The following DST variants were observed in gnomAD, a reference collection of about 807,000 sequenced individuals.
DST encodes dystonin.
A neutral mutation model predicts 875.2 loss-of-function variants in DST; 253 were observed. The ratio of observed to expected loss-of-function variants is 0.29; its 90% CI spans 0.26 to 0.32. The LOEUF is 0.32. Among genes scored for constraint, DST ranks in the 10% least tolerant of loss-of-function variants. DST has a pLI of 1.00. For missense variants in DST, 8,287 were observed against 9,111.6 expected (o/e 0.91, Z 3.68); for synonymous variants, 3,124 against 3,197.1 (o/e 0.98, Z 0.77).
chr6:56,690,431 C>A (rs564052513), intron 9 of DST, among the ~76,000 whole-genome samples: 74 of 152,150 alleles, frequency 4.9e-4, no homozygotes, highest in African/African-American at 1.8e-3. Flanking sequence ...CTCCACAGAG[C>A]CCCCTGAACC....
At chr6:56,831,917 CT>C (rs1416706698) in intron 4 of DST, among the ~76,000 whole-genome samples, 3 of 152,018 alleles carry the variant, frequency 2.0e-5, no homozygotes, top group African/African-American at 7.2e-5. Context: ...AACAATGCTG[CT>C]TGAATGCTTT....
Position 56,608,890 on chromosome 6 carries a change from C to G in DST, c.5738G>C (p.Arg1913Thr), listed in dbSNP as rs780663275. Reference sequence around the variant, plus strand: ...AATAAGATCTTTGCACATATTTTGCCTTTCCAGAACTTTAGAAAATAATGC... The same window carrying G: ...AATAAGATCTTTGCACATATTTTGCGTTTCCAGAACTTTAGAAAATAATGC... ...SSALFSKVLE[R>T]QNMCKDLIDP... is the part of the protein sequence containing the mutation. Residue 1913 changes from arginine to threonine, a missense_variant, in exon 40 of 104, where the codon AGG (arginine) becomes ACG (threonine). Around this residue, in one of 10 missense-constraint regions of DST, gnomAD observed 3,138 missense variants for 3,116.6 expected, o/e 1.01. Transcript: ENST00000680361. 10 of 1,613,722 alleles carry G rather than the reference C, an allele frequency of 6.2e-6. No individual in the cohort carries two copies. Among genetic ancestry groups the G allele is most frequent in the Non-Finnish European group, 8.5e-6 (10 of 1,179,776 alleles).
intron 2 of DST, among the ~76,000 whole-genome samples, chr6:56,922,885 A>G (rs1008855853): frequency 6.6e-6 from 1 of 152,216 alleles, no homozygotes; most frequent in Non-Finnish European, 1.5e-5. Context: ...CTTGTTAAAC[A>G]TTACTAAATT....
intron 4 of DST, among the ~76,000 whole-genome samples, chr6:56,835,967 T>C (rs2099793075): frequency 6.6e-6 from 1 of 152,218 alleles, no homozygotes; most frequent in Non-Finnish European, 1.5e-5. Flanking sequence ...TTTCAAAATC[T>C]TCTCGACCCA....
rs373798180 is a variant in DST at position 56,900,478 on chromosome 6, G to A, written c.360C>T (p.Ser120=). 2.6e-5 allele frequency: 35 copies of A among 1,367,722 alleles called. No homozygotes were observed. In the Middle Eastern group the frequency reaches 8.4e-4, roughly 33 times the overall value. The allele number at this position is 1,367,722 out of a possible 1,614,324, so 84.7% of individuals were successfully genotyped here. A position where few individuals can be genotyped will look rare whatever the true frequency, so the allele number is the denominator to read the frequency against. The change falls in exon 3 of 104, where the codon AGC becomes AGT. Residue 120 remains serine, a synonymous_variant. Transcript: ENST00000680361. Reference sequence around the variant, plus strand: ...GATAAAATTCTGGCTGGACTCGGCTGCTCTTCTTGATTCTTCGTTTCCTCA... The same window carrying A: ...GATAAAATTCTGGCTGGACTCGGCTACTCTTCTTGATTCTTCGTTTCCTCA... ...TSVRKRRIKK[S]SRVQPEFYHS...
At chr6:56,656,812 A>G (rs2099010978) in intron 10 of DST, among the ~76,000 whole-genome samples, 1 of 152,236 alleles carries the variant, frequency 6.6e-6, no homozygotes, top group Non-Finnish European at 1.5e-5. Flanking sequence ...GGGCAAAATG[A>G]TAATGATATT....
chr6:56,882,219 A>C (rs1009036623), intron 3 of DST, among the ~76,000 whole-genome samples: 1 of 152,202 alleles, frequency 6.6e-6, no homozygotes, highest in Non-Finnish European at 1.5e-5. Context: ...TGGCCACTTA[A>C]AAATAATTAT....
intron 22 of DST, 62 bp downstream of exon 22, chr6:56,639,197 G>T (rs766459517): frequency 5.8e-6 from 8 of 1,373,114 alleles, no homozygotes; most frequent in African/African-American, 2.9e-5. Context: ...AGCAATAAAA[G>T]AATCTGAAGG....
chr6:56,843,209 ATCGCAG>A lies in DST; in HGVS notation c.625+8182_625+8187del, dbSNP rs1396827919. 105 of 1,424,246 alleles carry A rather than the reference ATCGCAG, an allele frequency of 7.4e-5. No homozygotes were observed. In the Admixed American group the frequency reaches 2.1e-3, roughly 29 times the overall value. The allele number at this position is 1,424,246 out of a possible 1,614,324, so 88.2% of individuals were successfully genotyped here. On this transcript the variant is annotated intron_variant, in intron 4 of 103. Coordinates refer to ENST00000680361, the MANE Select transcript of DST (RefSeq NM_001374736.1). Reference sequence around the variant, plus strand: ...CTCCCCCTCGTAACCCCCGGACAGTATCGCAGTCAGCAAGACACAGCCTTGGGAACT... The same window carrying A: ...CTCCCCCTCGTAACCCCCGGACAGTATCAGCAAGACACAGCCTTGGGAACT...
At chr6:56,804,031 T>C (rs1455065377) in intron 4 of DST, among the ~76,000 whole-genome samples, 1 of 152,188 alleles carries the variant, frequency 6.6e-6, no homozygotes, top group Admixed American at 6.5e-5. Flanking sequence ...TCCAAATTGT[T>C]ACAATTTAGC....
At position 56,470,116 on chromosome 6, in the gene DST, GATA is replaced by G. The variant is rs761375902; in HGVS notation, c.22476+9_22476+11del. 6.2e-7 allele frequency: 1 copy of G among 1,611,080 alleles called. No homozygotes were observed. Among genetic ancestry groups the G allele is most frequent in the South Asian group, 1.1e-5 (1 of 90,868 alleles). ...CTATCAGTGTTGTACGCAATGGGAA[GATA>G]ATGAGTACCTCATCTTCGATTTTGT... On this transcript the variant is annotated intron_variant, in intron 96 of 103. Coordinates refer to ENST00000680361, the MANE Select transcript of DST (RefSeq NM_001374736.1).
chr6:56,539,445 G>A (rs2097082096), intron 61 of DST, among the ~76,000 whole-genome samples: 1 of 152,166 alleles, frequency 6.6e-6, no homozygotes, highest in African/African-American at 2.4e-5. Flanking sequence ...AGACTGAGAA[G>A]AGGAACGGTT....
Position 56,552,456 on chromosome 6 carries a change from A to T in DST, c.16336T>A (p.Cys5446Ser). Residue 5446 changes from cysteine to serine, a missense_variant, in exon 61 of 104, where the codon TGC becomes AGC. Physicochemically the swap from Cys to Ser is moderately radical, Grantham distance 112. Around this residue, in one of 10 missense-constraint regions of DST, gnomAD observed 777 missense variants for 764.8 expected, o/e 1.02. Transcript: ENST00000680361. ...MASNDNANKT[C>S]KMMLATEETS... ...TCTTCTGTGGCTAACATCATCTTGCAGGTTTTATTGGCATTGTCATTGCTT... is the reference window on the plus strand; with the variant it reads ...TCTTCTGTGGCTAACATCATCTTGCTGGTTTTATTGGCATTGTCATTGCTT... 1 of 1,613,994 alleles carries T rather than the reference A, an allele frequency of 6.2e-7. No homozygotes were observed. Among genetic ancestry groups the T allele is most frequent in the Non-Finnish European group, 8.5e-7 (1 of 1,179,890 alleles).
At chr6:56,667,454 A>C (rs2099077572) in intron 10 of DST, among the ~76,000 whole-genome samples, 1 of 152,216 alleles carries the variant, frequency 6.6e-6, no homozygotes, top group Non-Finnish European at 1.5e-5. Context: ...GAAGTTCTAC[A>C]GATGAAAAGT....
At chr6:56,901,645 C>CTG (rs58072124) in intron 2 of DST, among the ~76,000 whole-genome samples, 9,277 of 151,092 alleles carry the variant, frequency 0.061, 870 homozygotes, top group African/African-American at 0.21. Context: ...GTGTGTGTAT[C>CTG]TGTGTGTGTG....
In DST at chr6:56,555,811, T is replaced by G. The variant is rs74807741; in HGVS notation, c.14670A>C (p.Lys4890Asn). 8.8e-5 allele frequency: 132 copies of G among 1,508,134 alleles called. No homozygotes were observed. The East Asian group carries it at 3.0e-3, about 35-fold the overall frequency. 93.4% of individuals were successfully genotyped at this position (1,508,134 alleles called of 1,614,324 possible). The change falls in exon 60 of 104, where the codon AAA becomes AAC. Residue 4890 changes from lysine to asparagine, a missense_variant. By Grantham distance (94) the Lys-to-Asn change is moderately conservative (BLOSUM62 0). Coordinates refer to ENST00000680361, the MANE Select transcript of DST (RefSeq NM_001374736.1). ...CTGCTGTCAGCTGTTCATATTGAGGTTTCCGAGTGGCGAATTCTTGCAGCA... is the reference window on the plus strand; with the variant it reads ...CTGCTGTCAGCTGTTCATATTGAGGGTTCCGAGTGGCGAATTCTTGCAGCA... ...QILLQEFATR[K>N]PQYEQLTAAG...
intron 3 of DST, among the ~76,000 whole-genome samples, chr6:56,886,242 A>T (rs1446535957): frequency 3.9e-5 from 6 of 152,226 alleles, no homozygotes; most frequent in Admixed American, 1.3e-4. Flanking sequence ...GATAAAGACT[A>T]AATAAACATA....
chr6:56,822,735 T>C (rs1190155958), intron 4 of DST, among the ~76,000 whole-genome samples: 1 of 152,110 alleles, frequency 6.6e-6, no homozygotes, highest in African/African-American at 2.4e-5. Context: ...GCAGTATACC[T>C]CTAGACCTTT....
At chr6:56,851,304 G>C in intron 4 of DST, 93 bp downstream of exon 4, 1 of 1,153,996 alleles carries the variant, frequency 8.7e-7, no homozygotes, top group South Asian at 1.5e-5. Context: ...CCTGCCCAGT[G>C]CATCAGCTCC....
Sources: allele counts gnomAD v4.1 joint callset (sites outside exome capture counted in the v4.1 genomes callset), GRCh38; gene constraint gnomAD v4.1.1; regional missense constraint gnomAD v4.1.1; transcripts MANE v1.5; gene names NCBI Gene and HGNC (gene_info 2026-07-23, HGNC 2026-07-21).